Variants in MYOM1 observed in about 807,000 individuals in gnomAD.
MYOM1 encodes myomesin-1.
In MYOM1, 164 loss-of-function variants were observed where a neutral mutation model predicts 205.3. That is an observed-to-expected ratio of 0.80 (90% confidence interval 0.70 to 0.91). The LOEUF is 0.91. Ranked by LOEUF, MYOM1 falls within the 40% of genes least tolerant of loss-of-function variation. The pLI is 0.00. For synonymous variants in MYOM1, 772 were observed against 789.4 expected (o/e 0.98, Z 0.37); for missense variants, 2,011 against 2,127.3 (o/e 0.95, Z 1.08).
At chr18:3,091,726 A>T (rs530974218) in intron 26 of MYOM1, among the ~76,000 whole-genome samples, 3 of 151,456 alleles carry the variant, frequency 2.0e-5, no homozygotes, top group Non-Finnish European at 4.4e-5. Flanking sequence ...TCCAGATTAC[A>T]TTATTTATTT....
chr18:3,074,221 G>A (rs2078995039), intron 36 of MYOM1, among the ~76,000 whole-genome samples: 3 of 152,104 alleles, frequency 2.0e-5, no homozygotes, highest in Non-Finnish European at 2.9e-5. Flanking sequence ...TTGACCTCTG[G>A]TGCCCCAGTA....
At chr18:3,173,802 C>A in intron 8 of MYOM1, 136 bp downstream of exon 8, 2 of 711,100 alleles carry the variant, frequency 2.8e-6, no homozygotes, top group South Asian at 4.5e-5. Flanking sequence ...AATAAAATAA[C>A]CACAGGTACC....
At chr18:3,093,998 A>G (rs2143725243) in intron 26 of MYOM1, among the ~76,000 whole-genome samples, 172 bp downstream of exon 26, 1 of 152,294 alleles carries the variant, frequency 6.6e-6, no homozygotes, top group East Asian at 1.9e-4. Flanking sequence ...TTTGCATAAT[A>G]TGTTATAGTC....
chr18:3,126,605 G>T, intron 19 of MYOM1, 96 bp downstream of exon 19: 1 of 1,067,406 alleles, frequency 9.4e-7, no homozygotes, highest in Non-Finnish European at 1.3e-6. Context: ...GAAATGACGT[G>T]ACTCTCTTAC....
chr18:3,165,553 C>T (rs531679238), intron 9 of MYOM1, among the ~76,000 whole-genome samples: 28 of 152,322 alleles, frequency 1.8e-4, no homozygotes, highest in Non-Finnish European at 3.7e-4. Context: ...ACCAGAGATT[C>T]AAACCTCCTT....
At chr18:3,120,135 T>C in intron 19 of MYOM1, 140 bp from the exon 20 acceptor site, 1 of 1,184,890 alleles carries the variant, frequency 8.4e-7, no homozygotes, top group Non-Finnish European at 1.1e-6. Flanking sequence ...CCTTTTGTAA[T>C]CTCCTGGGTG....
chr18:3,210,265 T>C (rs903582834), intron 2 of MYOM1, among the ~76,000 whole-genome samples: 5 of 152,248 alleles, frequency 3.3e-5, no homozygotes, highest in African/African-American at 1.2e-4. Flanking sequence ...TTTGGTCGTC[T>C]CTATTTTTAG....
At position 3,129,292 on chromosome 18, in the gene MYOM1, G is replaced by C; in HGVS notation, c.2734C>G (p.Gln912Glu). The C allele has an allele frequency of 6.2e-7, 1 of 1,613,990 alleles. No individual in the cohort carries two copies. The part of the protein sequence containing the change: ...TVQEELTPPP[Q>E]KAAPQGKSKS... ...CTTTTCCCCTGAGGAGCCGCTTTCTGTGGTGGCGGGGTAAGCTCTTCCTGA... is the reference window on the plus strand; with the variant it reads ...CTTTTCCCCTGAGGAGCCGCTTTCTCTGGTGGCGGGGTAAGCTCTTCCTGA... Residue 912 changes from glutamine (Q) to glutamate (E), a missense_variant, in exon 18 of 38, where the codon CAG becomes GAG. By Grantham distance (29) the Gln-to-Glu change is conservative. Transcript: ENST00000356443.
the MYOM1 span, among the ~76,000 whole-genome samples, chr18:3,228,177 G>C: frequency 1.3e-5 from 2 of 152,176 alleles, no homozygotes; most frequent in Non-Finnish European, 2.9e-5. This position sits in a 1 kb window ranked among gnomAD's most constrained non-coding sequence, Gnocchi z 4.5. Flanking sequence ...ATGAAGACCA[G>C]GTGACACCTG....
intron 8 of MYOM1, among the ~76,000 whole-genome samples, chr18:3,169,690 C>T (rs1334434604): frequency 6.6e-6 from 1 of 152,182 alleles, no homozygotes; most frequent in African/African-American, 2.4e-5. Flanking sequence ...CCCTCTTACG[C>T]TGTTGGTGGG....
chr18:3,085,743 C>CT (rs892902890), intron 30 of MYOM1, among the ~76,000 whole-genome samples: 3 of 152,162 alleles, frequency 2.0e-5, no homozygotes, highest in African/African-American at 7.2e-5. Context: ...TGTCTCTGTA[C>CT]TTTTAGGACC....
Position 3,067,673 on chromosome 18 carries a change from C to G in MYOM1, c.4765-118G>C, listed in dbSNP as rs115264883. On this transcript the variant is annotated intron_variant, in intron 37 of 37. Transcript: ENST00000356443. The stretch of plus-strand genomic sequence containing the variant: ...AAAGGGAGGATAAGTAAAAGCCTCC[C>G]GGACCAGGGTTTAAAGTAGTTCTGT... The G allele has an allele frequency of 3.7e-6, 4 of 1,080,458 alleles. No individual in the cohort carries two copies. The South Asian group carries it at 6.5e-5, about 18-fold the overall frequency. The allele number at this position is 1,080,458 out of a possible 1,614,324, so 66.9% of individuals were successfully genotyped here.
chr18:3,100,102 A>G, intron 25 of MYOM1, 57 bp downstream of exon 25: 1 of 1,561,338 alleles, frequency 6.4e-7, no homozygotes, highest in Non-Finnish European at 8.8e-7. Flanking sequence ...GATCTATTCC[A>G]GAAGTTGCTG....
intron 34 of MYOM1, among the ~76,000 whole-genome samples, chr18:3,076,743 G>C (rs1189779709): frequency 6.7e-6 from 1 of 148,288 alleles, no homozygotes; most frequent in South Asian, 2.1e-4. Context: ...TTTTTGAGAC[G>C]GAGTTCTGTC....
At chr18:3,118,988 A>G (rs1331539993) in intron 20 of MYOM1, among the ~76,000 whole-genome samples, 1 of 152,196 alleles carries the variant, frequency 6.6e-6, no homozygotes, top group Non-Finnish European at 1.5e-5. Flanking sequence ...CCAGGGACAT[A>G]AAATCACCCC....
chr18:3,102,932 G>A (rs914243997), intron 22 of MYOM1, among the ~76,000 whole-genome samples: 1 of 152,224 alleles, frequency 6.6e-6, no homozygotes, highest in African/African-American at 2.4e-5. Context: ...AAACAAGGCA[G>A]CTTTGGGAAA....
Position 3,094,304 on chromosome 18 carries a change from C to A in MYOM1, c.3730G>T (p.Val1244Phe). The A allele has an allele frequency of 6.2e-7, 1 of 1,607,176 alleles. No homozygotes were observed. The highest frequency in any genetic ancestry group is 8.5e-7 in the Non-Finnish European group (1 of 1,176,786). The change falls in exon 26 of 38, where the codon GTC becomes TTC. Residue 1244 changes from valine (V) to phenylalanine (F), a missense_variant and splice_region_variant. By Grantham distance (50) the Val-to-Phe change is conservative. Transcript: ENST00000356443. ...ACTGCCAACTCTGATTTAACTGGGA[C>A]AGCTATGAAAAGTAAAAATAAACAC... ...ALSHEHKFPT[V>F]PVKSELAVEI...
chr18:3,157,472 A>G (rs1437076705), intron 10 of MYOM1, among the ~76,000 whole-genome samples: 6 of 151,890 alleles, frequency 4.0e-5, no homozygotes, highest in Non-Finnish European at 7.4e-5. Flanking sequence ...GAGCCTAGGA[A>G]TTCAAGAGCA....
intron 3 of MYOM1, among the ~76,000 whole-genome samples, chr18:3,192,452 T>G (rs992443866): frequency 2.0e-5 from 3 of 152,216 alleles, no homozygotes; most frequent in Non-Finnish European, 4.4e-5. Context: ...CATTAGCCTC[T>G]GACACAAGTC....
Sources: gnomAD v4.1 joint callset for allele counts (sites outside exome capture counted in the v4.1 genomes callset) on GRCh38, gnomAD v4.1.1 for gene constraint, Gnocchi (gnomAD v3.1) non-coding constraint, MANE v1.5 for transcripts, NCBI Gene and HGNC (gene_info 2026-07-23, HGNC 2026-07-21) for gene names.